The following RBL1 variants were observed in gnomAD, a reference collection of about 807,000 sequenced individuals.
RBL1 encodes retinoblastoma-like protein 1.
Under a neutral mutation model 123.0 loss-of-function variants are expected in RBL1, and 82 were observed. The ratio of observed to expected loss-of-function variants is 0.67; its 90% CI spans 0.56 to 0.80. The LOEUF is 0.80. RBL1 is among the 30% of genes least tolerant of loss of function. The pLI, the probability that RBL1 is intolerant of heterozygous loss-of-function variation, is 0.00. For missense variants in RBL1, 1,171 were observed against 1,299.6 expected (o/e 0.90, Z 1.52); for synonymous variants, 405 against 441.3 (o/e 0.92, Z 1.03).
At chr20:37,050,623 G>T (rs1182681563) in intron 11 of RBL1, among the ~76,000 whole-genome samples, 2 of 148,258 alleles carry the variant, frequency 1.3e-5, no homozygotes, top group East Asian at 2.1e-4. Context: ...AATTAAGAAG[G>T]TCAATTCAGA....
intron 2 of RBL1, among the ~76,000 whole-genome samples, chr20:37,077,621 G>A (rs1419716624): frequency 1.3e-5 from 2 of 152,090 alleles, no homozygotes; most frequent in African/African-American, 2.4e-5. Context: ...TCCATCGTGT[G>A]AGCCAATTCC....
At position 37,056,146 on chromosome 20, in the gene RBL1, C is replaced by G. The variant is rs768718221; in HGVS notation, c.1363G>C (p.Asp455His). 6.2e-7 allele frequency: 1 copy of G among 1,604,878 alleles called. No individual in the cohort carries two copies. The highest frequency in any genetic ancestry group is 1.1e-5 in the South Asian group (1 of 89,346). The part of the protein sequence containing the change: ...STDEQPGSHI[D>H]FAVNRLKLAE... ...GCCAACTGTAGTTTTCTTTTCTTAC[C>G]TATGTGAGATCCTGGCTGTTCATCT... The change falls in exon 10 of 22, where the codon GAC (aspartate) becomes CAC (histidine). Residue 455 changes from aspartate (D) to histidine (H), a missense_variant and splice_region_variant. Asp to His is a moderately conservative substitution (Grantham distance 81). Coordinates refer to ENST00000373664, the MANE Select transcript of RBL1 (RefSeq NM_002895.5).
At chr20:37,014,224 C>G (rs954365772) in intron 19 of RBL1, among the ~76,000 whole-genome samples, 1 of 151,930 alleles carries the variant, frequency 6.6e-6, no homozygotes, top group Non-Finnish European at 1.5e-5. Context: ...ACTACAGAAG[C>G]CCACCACCAT....
rs1394204328 is a variant in RBL1, at chr20:36,998,877, T to G, written c.3089A>C (p.Lys1030Thr). ...ATCACTATCGATGGCTATTACTCGCTTCTTGGTTCTCTGCTCACCTTGCCT... is the reference window on the plus strand; with the variant it reads ...ATCACTATCGATGGCTATTACTCGCGTCTTGGTTCTCTGCTCACCTTGCCT... ...MIRQGEQRTK[K>T]RVIAIDSDAE... Residue 1030 changes from lysine (K) to threonine (T), a missense_variant, in exon 22 of 22, where the codon AAG becomes ACG. Coordinates refer to ENST00000373664, the MANE Select transcript of RBL1 (RefSeq NM_002895.5). The G allele has an allele frequency of 6.2e-7, 1 of 1,613,718 alleles. No homozygotes were observed. The highest frequency in any genetic ancestry group is 8.5e-7 in the Non-Finnish European group (1 of 1,179,692).
At chr20:37,024,458 C>T (rs1446424430) in intron 16 of RBL1, among the ~76,000 whole-genome samples, 1 of 152,100 alleles carries the variant, frequency 6.6e-6, no homozygotes, top group Non-Finnish European at 1.5e-5. Flanking sequence ...AGAGCTGATC[C>T]AATGCTTACA....
intron 11 of RBL1, among the ~76,000 whole-genome samples, chr20:37,054,504 T>G (rs2064971414): frequency 6.6e-6 from 1 of 150,730 alleles, no homozygotes. Context: ...TAAATAAAAT[T>G]AAAAAAATTA....
intron 11 of RBL1, among the ~76,000 whole-genome samples, chr20:37,050,427 A>G (rs1193907412): frequency 6.7e-6 from 1 of 149,290 alleles, no homozygotes; most frequent in Non-Finnish European, 1.5e-5. Flanking sequence ...CACCTGTAGT[A>G]CCAGCTACTT....
intron 9 of RBL1, among the ~76,000 whole-genome samples, chr20:37,059,805 T>TG (rs1212946719): frequency 5.3e-5 from 8 of 152,236 alleles, no homozygotes; most frequent in Middle Eastern, 3.4e-3. Context: ...GAAGGTTCTC[T>TG]GATCTGGCTT....
intron 21 of RBL1, among the ~76,000 whole-genome samples, chr20:36,999,781 C>T (rs1362749780): frequency 1.3e-5 from 2 of 152,232 alleles, no homozygotes; most frequent in African/African-American, 2.4e-5. Context: ...GACGGAGTCG[C>T]GTTTACTCAG....
At chr20:37,087,074 C>G (rs570923442) in intron 2 of RBL1, among the ~76,000 whole-genome samples, 2 of 152,208 alleles carry the variant, frequency 1.3e-5, no homozygotes, top group African/African-American at 2.4e-5. Flanking sequence ...CAGTGGCTCA[C>G]GCCTGTAATC....
At chr20:37,062,645 C>CAAAAA (rs60370479) in intron 7 of RBL1, among the ~76,000 whole-genome samples, 5 of 40,086 alleles carry the variant, frequency 1.2e-4, no homozygotes, top group Admixed American at 3.6e-4. Flanking sequence ...GACTCTGTCT[C>CAAAAA]AAAAAAAAAA....
At chr20:37,027,105 G>A (rs1201309862) in intron 16 of RBL1, among the ~76,000 whole-genome samples, 2 of 152,010 alleles carry the variant, frequency 1.3e-5, no homozygotes, top group Non-Finnish European at 2.9e-5. Flanking sequence ...CAGCACTTTG[G>A]GAGGCTGAGG....
chr20:37,075,713 C>T (rs1193545211), intron 2 of RBL1, among the ~76,000 whole-genome samples: 1 of 152,138 alleles, frequency 6.6e-6, no homozygotes, highest in Non-Finnish European at 1.5e-5. Flanking sequence ...ACCTCGGCCT[C>T]CCAAAGTGCT....
In RBL1 at chr20:37,054,028, T is replaced by TACACAC. The variant is rs55898438; in HGVS notation, c.1467+1519_1467+1524dup. On this transcript the variant is annotated intron_variant, in intron 11 of 21. Transcript: ENST00000373664. ...AATCTATGCATATGATACAATTTTA[T>TACACAC]ACACACACACACACACACACACACA... Among the ~76,000 whole-genome samples the TACACAC allele has an allele frequency of 6.0e-3, 878 of 146,938 alleles. 4 individuals are homozygous for TACACAC. Among genetic ancestry groups the TACACAC allele is most frequent in the South Asian group, 8.7e-3 (40 of 4,578 alleles).
chr20:37,085,647 ATTTTTT>A (rs1202673380), intron 2 of RBL1, among the ~76,000 whole-genome samples: 14 of 84,610 alleles, frequency 1.7e-4, no homozygotes, highest in African/African-American at 2.8e-4. Flanking sequence ...TTGAAATTTG[ATTTTTT>A]TTTTTTTTTT....
At chr20:37,051,792 T>G (rs750021719) in intron 11 of RBL1, among the ~76,000 whole-genome samples, 2 of 151,694 alleles carry the variant, frequency 1.3e-5, no homozygotes, top group African/African-American at 4.8e-5. Context: ...TTACTAATTT[T>G]AAGTCATCTA....
intron 16 of RBL1, among the ~76,000 whole-genome samples, chr20:37,023,140 T>A (rs1016431501): frequency 1.3e-5 from 2 of 152,010 alleles, no homozygotes; most frequent in Non-Finnish European, 2.9e-5. Flanking sequence ...TTTTTTTTCT[T>A]AGGTGGATTC....
intron 19 of RBL1, among the ~76,000 whole-genome samples, chr20:37,014,254 T>A (rs1273980810): frequency 2.6e-5 from 4 of 152,006 alleles, no homozygotes; most frequent in Non-Finnish European, 4.4e-5. Flanking sequence ...TTTTAAAAAA[T>A]TTTTTGTAGC....
chr20:37,001,263 T>C (rs991660047), intron 21 of RBL1, among the ~76,000 whole-genome samples: 3 of 151,976 alleles, frequency 2.0e-5, no homozygotes, highest in Admixed American at 6.6e-5. Context: ...GGAGGTGTAC[T>C]CAACAGCTCA....
Sources: allele counts gnomAD v4.1 joint callset (sites outside exome capture counted in the v4.1 genomes callset), GRCh38; gene constraint gnomAD v4.1.1; transcripts MANE v1.5; gene names NCBI Gene and HGNC (gene_info 2026-07-23, HGNC 2026-07-21).